The following C22orf42 variants were observed in gnomAD, a reference collection of about 807,000 sequenced individuals.
The protein encoded by C22orf42 is chromosome 22 open reading frame 42.
C22orf42 carries 24 observed loss-of-function variants against 31.4 expected under a neutral mutation model. The ratio of observed to expected loss-of-function variants is 0.77; its 90% CI spans 0.55 to 1.08. The LOEUF is 1.08. C22orf42 is among the 50% of genes least tolerant of loss of function. The pLI is 0.00. For missense variants in C22orf42, 276 were observed against 327.3 expected (o/e 0.84, Z 1.21); for synonymous variants, 96 against 112.7 (o/e 0.85, Z 0.94).
At chr22:32,151,442 AAAAAC>A (rs1231462311) in intron 5 of C22orf42, 40 bp downstream of exon 5, 9 of 1,587,488 alleles carry the variant, frequency 5.7e-6, no homozygotes, top group South Asian at 1.1e-5. Context: ...AAGCCTCAGA[AAAAAC>A]AAAAAGCATT....
intron 2 of C22orf42, 109 bp from the exon 3 acceptor site, chr22:32,152,735 C>G: frequency 1.0e-6 from 1 of 982,680 alleles, no homozygotes; most frequent in South Asian, 1.3e-5. Context: ...GGGCGGTTGA[C>G]AGGCATGGAC....
chr22:32,150,642 G>A (rs1248271999), intron 6 of C22orf42, 163 bp from the exon 7 acceptor site: 14 of 686,690 alleles, frequency 2.0e-5, no homozygotes, highest in Non-Finnish European at 3.5e-5. Flanking sequence ...GGAAGGCAAA[G>A]GAGAAGGGCA....
chr22:32,159,401 G>A (rs368466340), upstream of C22orf42: 1 of 1,426,398 alleles, frequency 7.0e-7, no homozygotes, highest in Non-Finnish European at 9.1e-7. Context: ...GCTCACAATG[G>A]CCGACCCCAC....
chr22:32,151,519 C>T lies in C22orf42; in HGVS notation c.433G>A (p.Gly145Ser), dbSNP rs762274663. ...GACGTTATATTCTCCTCCACACCGC[C>T]GTGTGCAGACACCTGCACATCTTCA... ...PTEDVQVSAH[G>S]GVEENITSDI... Residue 145 changes from glycine (G) to serine (S), a missense_variant, in exon 5 of 9, where the codon GGC becomes AGC. Physicochemically the swap from Gly to Ser is moderately conservative, Grantham distance 56. Coordinates refer to ENST00000382097, the MANE Select transcript of C22orf42 (RefSeq NM_001010859.3). 241 of 1,613,658 alleles carry T rather than the reference C, an allele frequency of 1.5e-4. No homozygotes were observed. The highest frequency in any genetic ancestry group is 1.4e-3 in the East Asian group (61 of 44,902).
rs549072083 is a variant in C22orf42 at position 32,156,566 on chromosome 22, T to A, written c.233-2248A>T. On this transcript the variant is annotated intron_variant, in intron 1 of 8. Transcript: ENST00000382097. The stretch of plus-strand genomic sequence containing the variant: ...AGAATTCCCCAGCGTTGTTTTTTTG[T>A]TTGTTTTAATAATCACACATTATTC... Among the ~76,000 whole-genome samples, 85 of 134,404 alleles carry A rather than the reference T, an allele frequency of 6.3e-4. No individual in the cohort carries two copies. The East Asian group carries it at 0.016, about 26-fold the overall frequency. The allele number at this position is 134,404 out of a possible 152,430, so 88.2% of individuals were successfully genotyped here. A position where few individuals can be genotyped will look rare whatever the true frequency, so the allele number is the denominator to read the frequency against.
intron 1 of C22orf42, 105 bp from the exon 2 acceptor site, chr22:32,154,423 T>A: frequency 8.7e-7 from 1 of 1,148,436 alleles, no homozygotes; most frequent in Non-Finnish European, 1.2e-6. Flanking sequence ...TAGTAAAAAC[T>A]TATTCACAGA....
rs1411241912 is a variant in C22orf42 at position 32,149,390 on chromosome 22, G to A, written c.*150C>T. On this transcript the variant is annotated 3_prime_UTR_variant, in exon 9 of 9. Coordinates refer to ENST00000382097, the MANE Select transcript of C22orf42 (RefSeq NM_001010859.3). ...CCAGGCTGCAAGAGGACTGGCTGCA[G>A]CCACAAACTGCAGGTCACTGTTCAC... 5.1e-6 allele frequency: 5 copies of A among 974,078 alleles called. No homozygotes were observed. The highest frequency in any genetic ancestry group is 6.6e-6 in the Non-Finnish European group (5 of 754,578). 60.3% of individuals were successfully genotyped at this position (974,078 alleles called of 1,614,324 possible). A position where few individuals can be genotyped will look rare whatever the true frequency, so the allele number is the denominator to read the frequency against.
chr22:32,150,665 A>G, intron 6 of C22orf42, 186 bp from the exon 7 acceptor site: 1 of 649,974 alleles, frequency 1.5e-6, no homozygotes, highest in African/African-American at 1.8e-5. Context: ...AAGAAATGAA[A>G]GAGCCTTGGC....
At chr22:32,153,840 G>A (rs1445232089) in intron 2 of C22orf42, among the ~76,000 whole-genome samples, 5 of 143,850 alleles carry the variant, frequency 3.5e-5, no homozygotes, top group Non-Finnish European at 7.5e-5. Flanking sequence ...GGGCAACATG[G>A]TGAAATCCCA....
At chr22:32,156,050 C>G (rs1331101209) in intron 1 of C22orf42, among the ~76,000 whole-genome samples, 8 of 152,142 alleles carry the variant, frequency 5.3e-5, no homozygotes, top group Non-Finnish European at 1.0e-4. Context: ...AAAGAAAAAG[C>G]ATTACTGAGT....
At chr22:32,158,785 C>T (rs1921414065) in intron 1 of C22orf42, among the ~76,000 whole-genome samples, 199 bp downstream of exon 1, 1 of 152,146 alleles carries the variant, frequency 6.6e-6, no homozygotes, top group Non-Finnish European at 1.5e-5. Flanking sequence ...CCAAAAAGTC[C>T]TCAACAAAGA....
intron 1 of C22orf42, among the ~76,000 whole-genome samples, chr22:32,155,480 A>C (rs1921210679): frequency 6.6e-6 from 1 of 151,298 alleles, no homozygotes; most frequent in South Asian, 2.1e-4. Flanking sequence ...GAGGACACAC[A>C]GCATACCATG....
intron 1 of C22orf42, among the ~76,000 whole-genome samples, chr22:32,157,922 C>G (rs1321463174): frequency 6.6e-6 from 1 of 152,286 alleles, no homozygotes; most frequent in Non-Finnish European, 1.5e-5. Context: ...ACTATTCGTC[C>G]TGGGCTGCCT....
intron 5 of C22orf42, among the ~76,000 whole-genome samples, 174 bp downstream of exon 5, chr22:32,151,313 C>T (rs1372121115): frequency 4.6e-5 from 7 of 152,110 alleles, no homozygotes; most frequent in African/African-American, 1.2e-4. Flanking sequence ...CGTCCTTTGA[C>T]GGCCATCGTC....
intron 5 of C22orf42, 107 bp downstream of exon 5, chr22:32,151,380 T>G (rs1337598472): frequency 1.7e-6 from 2 of 1,152,140 alleles, no homozygotes; most frequent in East Asian, 2.4e-5. Flanking sequence ...TCCATGACAC[T>G]GAGGCCTGAA....
In C22orf42 at chr22:32,159,082, G is replaced by C; in HGVS notation, c.134C>G (p.Thr45Ser). ...TVAATAPAST[T>S]AKPAKLDLKA... ...CAAATCCAATTTGGCAGGCTTTGCA[G>C]TGGTGGATGCTGGTGCTGTGGCTGC... Residue 45 changes from threonine to serine, a missense_variant, in exon 1 of 9, where the codon ACT (threonine) becomes AGT (serine). Physicochemically the swap from Thr to Ser is moderately conservative, Grantham distance 58. Coordinates refer to ENST00000382097, the MANE Select transcript of C22orf42 (RefSeq NM_001010859.3). The C allele has an allele frequency of 1.2e-6, 2 of 1,614,222 alleles. No homozygotes were observed. The highest frequency in any genetic ancestry group is 2.7e-5 in the African/African-American group (2 of 75,046).
chr22:32,151,116 C>T lies in C22orf42; in HGVS notation c.466-97G>A, dbSNP rs530404663. On this transcript the variant is annotated intron_variant, in intron 5 of 8. Transcript: ENST00000382097. The stretch of plus-strand genomic sequence containing the variant: ...TTATTCACCTGGTGAAATAAAAAAC[C>T]GGATGTGAAACAGTGATCAAGTCAC... The T allele has an allele frequency of 6.4e-4, 826 of 1,284,384 alleles. 6 individuals are homozygous for T. The African/African-American group carries it at 0.011, about 17-fold the overall frequency. The allele number at this position is 1,284,384 out of a possible 1,614,324, so 79.6% of individuals were successfully genotyped here. A position where few individuals can be genotyped will look rare whatever the true frequency, so the allele number is the denominator to read the frequency against.
intron 7 of C22orf42, among the ~76,000 whole-genome samples, chr22:32,150,089 G>T (rs1277236383): frequency 6.6e-6 from 1 of 152,180 alleles, no homozygotes; most frequent in Non-Finnish European, 1.5e-5. Flanking sequence ...TCATCCAGCA[G>T]GACTCAGTTG....
In C22orf42 at chr22:32,152,049, T is replaced by A. The variant is rs777250842; in HGVS notation, c.400+18A>T. The A allele has an allele frequency of 2.8e-6, 4 of 1,429,420 alleles. No homozygotes were observed. The highest frequency in any genetic ancestry group is 2.0e-5 in the Admixed American group (1 of 50,458). 88.5% of individuals were successfully genotyped at this position (1,429,420 alleles called of 1,614,324 possible). On this transcript the variant is annotated intron_variant, in intron 4 of 8. Coordinates refer to ENST00000382097, the MANE Select transcript of C22orf42 (RefSeq NM_001010859.3). ...TCAACTACATGTAAATAAAGCTGTT[T>A]AAAAAAAAAATACGTACGGTGGTCG...
Sources: gnomAD v4.1 joint callset for allele counts (sites outside exome capture counted in the v4.1 genomes callset) on GRCh38, gnomAD v4.1.1 for gene constraint, MANE v1.5 for transcripts, NCBI Gene and HGNC (gene_info 2026-07-23, HGNC 2026-07-21) for gene names.